SIPA1L1: variants seen among roughly 807,000 people sequenced by gnomAD.
SIPA1L1 encodes the protein signal-induced proliferation-associated 1-like protein 1.
A neutral mutation model predicts 162.7 loss-of-function variants in SIPA1L1; 26 were observed. The observed-to-expected ratio is 0.16, with a 90% CI of 0.12 to 0.22. The LOEUF (loss-of-function observed/expected upper bound fraction) is 0.22. Ranked by LOEUF, SIPA1L1 falls within the 10% of genes least tolerant of loss-of-function variation. SIPA1L1 has a pLI of 1.00. For missense variants in SIPA1L1, 1,874 were observed against 2,241.0 expected (o/e 0.84, Z 3.31); for synonymous variants, 829 against 837.4 (o/e 0.99, Z 0.17).
At chr14:71,567,542 G>T (rs960213071) in intron 4 of SIPA1L1, among the ~76,000 whole-genome samples, 1 of 152,198 alleles carries the variant, frequency 6.6e-6, no homozygotes, top group African/African-American at 2.4e-5. Flanking sequence ...AGCAGCATGG[G>T]CTGCTCAATG....
chr14:71,328,457 T>A (rs770309369), intron 2 of SIPA1L1, among the ~76,000 whole-genome samples: 1 of 152,196 alleles, frequency 6.6e-6, no homozygotes, highest in African/African-American at 2.4e-5. Context: ...AGTAGGTGAT[T>A]CTGTTATGCT....
At chr14:71,571,628 GTTTATTTATTTA>G (rs374571269) in intron 4 of SIPA1L1, among the ~76,000 whole-genome samples, 3 of 151,012 alleles carry the variant, frequency 2.0e-5, no homozygotes, top group South Asian at 2.1e-4. Context: ...AAACTGGATG[GTTTATTTATTTA>G]TTTATTTATT....
chr14:71,476,569 G>A (rs142783391), intron 2 of SIPA1L1, among the ~76,000 whole-genome samples: 432 of 151,958 alleles, frequency 2.8e-3, no homozygotes, highest in Non-Finnish European at 5.0e-3. Flanking sequence ...CATAAAATAT[G>A]TTTTTGTAAA....
At chr14:71,476,405 T>C (rs767462899) in intron 2 of SIPA1L1, among the ~76,000 whole-genome samples, 1 of 152,184 alleles carries the variant, frequency 6.6e-6, no homozygotes, top group Non-Finnish European at 1.5e-5. Flanking sequence ...TTTTTGTGGC[T>C]GAACAGTTAA....
chr14:71,565,047 T>A (rs147771868), intron 4 of SIPA1L1, among the ~76,000 whole-genome samples: 209 of 152,340 alleles, frequency 1.4e-3, no homozygotes, highest in Non-Finnish European at 2.5e-3. Context: ...GAATGTGGAA[T>A]AGAAAAGTGT....
At chr14:71,421,097 G>A (rs35613269) in intron 2 of SIPA1L1, among the ~76,000 whole-genome samples, 24,752 of 151,986 alleles carry the variant, frequency 0.16, 2,635 homozygotes, top group Middle Eastern at 0.35. Flanking sequence ...TTTCAGTTTT[G>A]TTCTTCTTTG....
intron 2 of SIPA1L1, among the ~76,000 whole-genome samples, chr14:71,383,498 CTG>C (rs1226954778): frequency 6.6e-6 from 1 of 152,154 alleles, no homozygotes; most frequent in Admixed American, 6.5e-5. Flanking sequence ...GCCTTTTTCA[CTG>C]TGTTAGTTTA....
At chr14:71,544,071 G>GCACATGTATGTATATACACACA (rs1567180165) in intron 4 of SIPA1L1, among the ~76,000 whole-genome samples, 2 of 142,946 alleles carry the variant, frequency 1.4e-5, no homozygotes, top group Admixed American at 7.6e-5. Flanking sequence ...ATATACACAC[G>GCACATGTATGTATATACACACA]CACGCACATG....
At chr14:71,330,562 T>A (rs1253044450) in intron 2 of SIPA1L1, 2 of 1,279,572 alleles carry the variant, frequency 1.6e-6, no homozygotes, top group African/African-American at 2.9e-5. Context: ...CTGGGAGGCC[T>A]TTCCTCCTCA....
intron 2 of SIPA1L1, among the ~76,000 whole-genome samples, chr14:71,347,690 C>CT (rs2036305720): frequency 6.6e-6 from 1 of 152,162 alleles, no homozygotes; most frequent in South Asian, 2.1e-4. Context: ...TATGGCTTTT[C>CT]TTTTTATTTT....
chr14:71,429,750 A>G (rs747457901), intron 2 of SIPA1L1, among the ~76,000 whole-genome samples: 79 of 152,332 alleles, frequency 5.2e-4, no homozygotes, highest in Admixed American at 1.4e-3. Context: ...GAAATGGTAC[A>G]GGATAGGAAC....
At chr14:71,543,464 A>G (rs1204901179) in intron 4 of SIPA1L1, among the ~76,000 whole-genome samples, 3 of 152,152 alleles carry the variant, frequency 2.0e-5, no homozygotes, top group Non-Finnish European at 4.4e-5. Context: ...AAACTGCCCA[A>G]CTGTTTTTCT....
At chr14:71,347,756 G>A (rs1036734512) in intron 2 of SIPA1L1, among the ~76,000 whole-genome samples, 1 of 152,172 alleles carries the variant, frequency 6.6e-6, no homozygotes, top group African/African-American at 2.4e-5. Context: ...ATGATGGTGA[G>A]CATCTTTTTA....
Position 71,388,059 on chromosome 14 carries a change from T to A in SIPA1L1, c.-465+66878T>A, listed in dbSNP as rs749452908. ...TGAGATATCAGTGCACAGCACATAC[T>A]TCATACAAGGTGTTCAAATATTTGA... On this transcript the variant is annotated intron_variant, in intron 2 of 23. Coordinates refer to ENST00000381232, the MANE Select transcript of SIPA1L1 (RefSeq NM_001386936.1). Among the ~76,000 whole-genome samples, 2 of 152,240 alleles carry A rather than the reference T, an allele frequency of 1.3e-5. 1 individual carries two copies. The highest frequency in any genetic ancestry group is 2.9e-5 in the Non-Finnish European group (2 of 68,046).
At chr14:71,680,573 C>CT in intron 12 of SIPA1L1, among the ~76,000 whole-genome samples, 1 of 152,200 alleles carries the variant, frequency 6.6e-6, no homozygotes, top group Admixed American at 6.5e-5. Context: ...CAAGAAATAA[C>CT]TAAGATCAGA....
At chr14:71,356,567 C>CCAAAAAAAAA (rs777415215) in intron 2 of SIPA1L1, among the ~76,000 whole-genome samples, 1 of 39,162 alleles carries the variant, frequency 2.6e-5, no homozygotes, top group East Asian at 7.9e-4. Context: ...CTTGTCTCTA[C>CCAAAAAAAAA]AAAAAAAAAA....
chr14:71,330,004 A>C (rs561485744), intron 2 of SIPA1L1, among the ~76,000 whole-genome samples: 4 of 152,198 alleles, frequency 2.6e-5, no homozygotes, highest in Admixed American at 6.5e-5. Context: ...AAAATCCCCA[A>C]GATTCTTTTG....
At chr14:71,636,762 C>G (rs2041187335) in intron 7 of SIPA1L1, among the ~76,000 whole-genome samples, 1 of 152,150 alleles carries the variant, frequency 6.6e-6, no homozygotes, top group Non-Finnish European at 1.5e-5. Context: ...CTAGATCTGG[C>G]CAGGCGAGGT....
At chr14:71,372,103 T>A (rs1241364358) in intron 2 of SIPA1L1, among the ~76,000 whole-genome samples, 1 of 152,200 alleles carries the variant, frequency 6.6e-6, no homozygotes, top group African/African-American at 2.4e-5. Flanking sequence ...CGTTCATGGT[T>A]TTAATTTTTT....
Sources: allele counts gnomAD v4.1 joint callset (sites outside exome capture counted in the v4.1 genomes callset), GRCh38; gene constraint gnomAD v4.1.1; transcripts MANE v1.5; gene names NCBI Gene and HGNC (gene_info 2026-07-23, HGNC 2026-07-21).